The following KCNK2 variants were observed in gnomAD, a reference collection of about 807,000 sequenced individuals.
KCNK2 encodes potassium two pore domain channel subfamily K member 2.
Under a neutral mutation model 40.5 loss-of-function variants are expected in KCNK2, and 21 were observed. The observed-to-expected ratio is 0.52, with a 90% CI of 0.37 to 0.75. KCNK2 has a LOEUF of 0.75. KCNK2 is among the 30% of genes least tolerant of loss of function. The probability of loss-of-function intolerance (pLI) is 0.00; values close to 1 mark genes in which losing one functional copy is unlikely to be tolerated. For synonymous variants in KCNK2, 191 were observed against 202.2 expected (o/e 0.94, Z 0.47); for missense variants, 399 against 531.6 (o/e 0.75, Z 2.45).
At chr1:215,169,390 T>C in intron 4 of KCNK2, 31 bp downstream of exon 4, 1 of 1,511,778 alleles carries the variant, frequency 6.6e-7, no homozygotes, top group Non-Finnish European at 9.0e-7. Flanking sequence ...ACTACGTATA[T>C]TTATTGTTTG....
rs1666846819 is a variant in KCNK2 at position 215,235,521 on chromosome 1, G to GTTAGGT, written c.*376_*377insTTAGGT. On this transcript the variant is annotated 3_prime_UTR_variant, in exon 7 of 7. Coordinates refer to ENST00000444842, the MANE Select transcript of KCNK2 (RefSeq NM_001017425.3). Reference sequence around the variant, plus strand: ...TTAACTTTTCAGGGTCTACCTAACTGAGCCTAGATATGGACCATTTATGGA... The same window carrying GTTAGGT: ...TTAACTTTTCAGGGTCTACCTAACTGTTAGGTAGCCTAGATATGGACCATTTATGGA... 2 of 173,264 alleles carry GTTAGGT rather than the reference G, an allele frequency of 1.2e-5. No homozygotes were observed. Among genetic ancestry groups the GTTAGGT allele is most frequent in the Non-Finnish European group, 2.5e-5 (2 of 81,540 alleles). 10.7% of individuals were successfully genotyped at this position (173,264 alleles called of 1,614,324 possible).
At chr1:215,125,665 C>A (rs1186554887) in intron 3 of KCNK2, among the ~76,000 whole-genome samples, 2 of 148,264 alleles carry the variant, frequency 1.3e-5, no homozygotes, top group African/African-American at 5.0e-5. Flanking sequence ...TGCAGCACAC[C>A]AACATGGCAC....
intron 2 of KCNK2, among the ~76,000 whole-genome samples, chr1:215,101,616 T>A: frequency 6.6e-6 from 1 of 151,754 alleles, no homozygotes; most frequent in East Asian, 1.9e-4. Flanking sequence ...AAATGGAAAA[T>A]TTCAAAAGAA....
At chr1:215,176,486 T>A (rs1663978243) in intron 5 of KCNK2, among the ~76,000 whole-genome samples, 1 of 152,070 alleles carries the variant, frequency 6.6e-6, no homozygotes, top group African/African-American at 2.4e-5. Flanking sequence ...CCTGTTGCTT[T>A]CCCACCCCTG....
intron 3 of KCNK2, among the ~76,000 whole-genome samples, chr1:215,135,119 A>G (rs1302443200): frequency 1.3e-5 from 2 of 152,178 alleles, no homozygotes; most frequent in Non-Finnish European, 2.9e-5. Context: ...CATGTGCTGT[A>G]CATATTGATG....
chr1:215,233,694 T>G (rs1201245171), intron 6 of KCNK2, among the ~76,000 whole-genome samples: 1 of 152,186 alleles, frequency 6.6e-6, no homozygotes, highest in Non-Finnish European at 1.5e-5. Context: ...AACGAGAGCC[T>G]GGGTCACTTA....
At position 215,083,195 on chromosome 1, in the gene KCNK2, C is replaced by CA; in HGVS notation, c.-191_-190insA. The CA allele has an allele frequency of 8.9e-6, 2 of 224,720 alleles. No individual in the cohort carries two copies. Among genetic ancestry groups the CA allele is most frequent in the South Asian group, 6.2e-5 (1 of 16,110 alleles). The allele number at this position is 224,720 out of a possible 1,614,324, so 13.9% of individuals were successfully genotyped here. ...CCGCGATTTCGTTTCTTCTCACGCTCCCCCCCCCGCCCCCTCCCGCGTCCA... is the reference window on the plus strand; with the variant it reads ...CCGCGATTTCGTTTCTTCTCACGCTCACCCCCCCCGCCCCCTCCCGCGTCCA... On this transcript the variant is annotated 5_prime_UTR_variant, in exon 1 of 7. Coordinates refer to ENST00000444842, the MANE Select transcript of KCNK2 (RefSeq NM_001017425.3).
intron 6 of KCNK2, among the ~76,000 whole-genome samples, chr1:215,210,696 G>T (rs887311044): frequency 6.6e-6 from 1 of 152,060 alleles, no homozygotes; most frequent in Non-Finnish European, 1.5e-5. Flanking sequence ...ATAGGTACAA[G>T]GGAGTATATA....
rs1197238927 is a variant in KCNK2, at chr1:215,111,942, C to CT, written c.358-12685dup. ...CCTAGAGATTCTGTGGGCCTCAAAT[C>CT]TTTTTTATAGTTGTGCGTTCTCTGG... On this transcript the variant is annotated intron_variant, in intron 2 of 6. Coordinates refer to ENST00000444842, the MANE Select transcript of KCNK2 (RefSeq NM_001017425.3). Among the ~76,000 whole-genome samples, 5 of 149,674 alleles carry CT rather than the reference C, an allele frequency of 3.3e-5. No homozygotes were observed. The South Asian group carries it at 6.3e-4, about 19-fold the overall frequency.
chr1:215,216,789 G>A (rs1315805964), intron 6 of KCNK2, among the ~76,000 whole-genome samples: 1 of 152,048 alleles, frequency 6.6e-6, no homozygotes, highest in Non-Finnish European at 1.5e-5. Context: ...AAATCGGTGT[G>A]TATGTTACAC....
intron 2 of KCNK2, among the ~76,000 whole-genome samples, chr1:215,113,438 C>T (rs1471961501): frequency 1.3e-5 from 2 of 152,062 alleles, no homozygotes; most frequent in Non-Finnish European, 2.9e-5. Flanking sequence ...CTCTTTCTGC[C>T]TCAGCTTTTG....
chr1:215,115,152 A>G (rs947986978), intron 2 of KCNK2, among the ~76,000 whole-genome samples: 2 of 152,076 alleles, frequency 1.3e-5, no homozygotes, highest in Non-Finnish European at 2.9e-5. Context: ...CTTACATAAA[A>G]ATATTGCCTT....
intron 6 of KCNK2, among the ~76,000 whole-genome samples, chr1:215,230,744 G>A (rs549426140): frequency 1.1e-4 from 16 of 151,638 alleles, no homozygotes; most frequent in African/African-American, 3.1e-4. Flanking sequence ...GAGCTAGAAG[G>A]TGAGGCTCCC....
intron 1 of KCNK2, among the ~76,000 whole-genome samples, chr1:215,035,479 C>T (rs1292777199): frequency 2.6e-5 from 4 of 152,030 alleles, no homozygotes; most frequent in South Asian, 2.1e-4. Context: ...TATCGTTTTG[C>T]CCTTTTCATA....
intron 6 of KCNK2, among the ~76,000 whole-genome samples, chr1:215,209,447 T>C (rs1208110564): frequency 1.4e-4 from 3 of 21,598 alleles, no homozygotes; most frequent in South Asian, 3.1e-3. Context: ...AAATATATAA[T>C]ATATATTATA....
chr1:215,209,284 A>C (rs1477247631), intron 6 of KCNK2, among the ~76,000 whole-genome samples: 3 of 106,114 alleles, frequency 2.8e-5, no homozygotes, highest in Admixed American at 1.5e-4. Context: ...ATATACACAT[A>C]TTTTATATAT....
intron 3 of KCNK2, among the ~76,000 whole-genome samples, chr1:215,156,127 C>T (rs1662911767): frequency 6.6e-6 from 1 of 151,598 alleles, no homozygotes. Context: ...ACTCACGGAG[C>T]TCAAATTTGA....
chr1:215,134,300 G>C (rs2102592970), intron 3 of KCNK2, among the ~76,000 whole-genome samples: 1 of 152,250 alleles, frequency 6.6e-6, no homozygotes, highest in East Asian at 1.9e-4. Flanking sequence ...CCGCAAGACT[G>C]TCCCCACTCC....
chr1:215,137,960 G>T (rs928642390), intron 3 of KCNK2, among the ~76,000 whole-genome samples: 1 of 152,118 alleles, frequency 6.6e-6, no homozygotes, highest in African/African-American at 2.4e-5. Context: ...GCACATATCA[G>T]ATTCTCAAAG....
Sources: allele counts gnomAD v4.1 joint callset (sites outside exome capture counted in the v4.1 genomes callset), GRCh38; gene constraint gnomAD v4.1.1; transcripts MANE v1.5; gene names NCBI Gene and HGNC (gene_info 2026-07-23, HGNC 2026-07-21).